The following DNAJC11 variants were observed in gnomAD, a reference collection of about 807,000 sequenced individuals.
The protein encoded by DNAJC11 is dnaJ homolog subfamily C member 11.
DNAJC11 carries 15 observed loss-of-function variants against 78.6 expected under a neutral mutation model. That is an observed-to-expected ratio of 0.19 (90% confidence interval 0.13 to 0.29). The LOEUF (loss-of-function observed/expected upper bound fraction) is 0.29. Among genes scored for constraint, DNAJC11 ranks in the 10% least tolerant of loss-of-function variants. DNAJC11 has a pLI of 1.00. For missense variants in DNAJC11, 547 were observed against 709.6 expected, an observed-to-expected ratio of 0.77 and a Z score of 2.60; for synonymous variants, 292 against 272.1, an observed-to-expected ratio of 1.07 and a Z score of -0.72.
chr1:6,637,917 C>T (rs1641808471), intron 12 of DNAJC11: 1 of 390,128 alleles, frequency 2.6e-6, no homozygotes, highest in Non-Finnish European at 4.7e-6. Context: ...TGCCATTCTG[C>T]TGGGCATAGC....
rs752279412 is a variant in DNAJC11, at chr1:6,638,260, C to T, written c.1323+35G>A. Reference sequence around the variant, plus strand: ...TGTGGGGTGTGGAGTGTGTCCCCTACAGCCCTCGCTTGGGAACGGTGGGGC... The same window carrying T: ...TGTGGGGTGTGGAGTGTGTCCCCTATAGCCCTCGCTTGGGAACGGTGGGGC... On this transcript the variant is annotated intron_variant, in intron 12 of 15. Transcript: ENST00000377577. 4.4e-6 allele frequency: 7 copies of T among 1,602,486 alleles called. No homozygotes were observed. In the Admixed American group the frequency reaches 1.2e-4, roughly 27 times the overall value.
rs954909705 is a variant in DNAJC11 at position 6,634,425 on chromosome 1, C to T, written c.*1250G>A. The T allele has an allele frequency of 1.7e-5, 21 of 1,253,784 alleles. No individual in the cohort carries two copies. Among genetic ancestry groups the T allele is most frequent in the South Asian group, 2.8e-5 (2 of 72,686 alleles). 77.7% of individuals were successfully genotyped at this position (1,253,784 alleles called of 1,614,324 possible). On this transcript the variant is annotated 3_prime_UTR_variant, in exon 16 of 16. Transcript: ENST00000377577. ...AAACCAGAGGAAGGAGGTTCTTAGC[C>T]GTTACTCAGATACCAGTGCTGGGGA...
At position 6,693,389 on chromosome 1, in the gene DNAJC11, T is replaced by C. The variant is rs80145733; in HGVS notation, c.72+8340A>G. 9.6e-4 allele frequency among the ~76,000 whole-genome samples: 147 copies of C among 152,338 alleles called. 1 individual carries two copies. The East Asian group carries it at 0.012, about 12-fold the overall frequency. On this transcript the variant is annotated intron_variant, in intron 1 of 15. Coordinates refer to ENST00000377577, the MANE Select transcript of DNAJC11 (RefSeq NM_018198.4). ...TCTTTCACATTTTTATTTATTGTTA[T>C]ATTATCGTTTAGATGGATTCTTGCT... is the stretch of plus-strand genomic sequence containing the variant.
At chr1:6,677,765 T>A (rs1642492517) in intron 3 of DNAJC11, among the ~76,000 whole-genome samples, 1 of 152,198 alleles carries the variant, frequency 6.6e-6, no homozygotes, top group African/African-American at 2.4e-5. Flanking sequence ...AAACAAATTG[T>A]CTGGATTTTA....
Position 6,645,260 on chromosome 1 carries a change from C to A in DNAJC11, c.895-134G>T. On this transcript the variant is annotated intron_variant, in intron 8 of 15. Coordinates refer to ENST00000377577, the MANE Select transcript of DNAJC11 (RefSeq NM_018198.4). This position sits in a 1 kb window ranked among gnomAD's most constrained non-coding sequence, Gnocchi z 4.1. ...AAGGCAGGGGTCACGGTCTGGCAGC[C>A]GCAGTGAGTGCACCATGATTTATTA... 2 of 649,634 alleles carry A rather than the reference C, an allele frequency of 3.1e-6. No individual in the cohort carries two copies. The highest frequency in any genetic ancestry group is 1.9e-5 in the South Asian group (1 of 52,278). 40.2% of individuals were successfully genotyped at this position (649,634 alleles called of 1,614,324 possible).
intron 3 of DNAJC11, among the ~76,000 whole-genome samples, chr1:6,674,294 C>T (rs1214316369): frequency 6.6e-6 from 1 of 152,004 alleles, no homozygotes; most frequent in African/African-American, 2.4e-5. Context: ...GGCACGGTGG[C>T]TCACATTTGT....
rs1641954671 is a variant in DNAJC11, at chr1:6,645,759, T to C, written c.894+30A>G. ...GAGGAGGGGTCCTCCCAGAGCTCTG[T>C]CTGCAGGAGATGATGGCTGCTCGGC... On this transcript the variant is annotated intron_variant, in intron 8 of 15. Coordinates refer to ENST00000377577, the MANE Select transcript of DNAJC11 (RefSeq NM_018198.4). This position sits in a 1 kb window ranked among gnomAD's most constrained non-coding sequence, Gnocchi z 4.1. 8 of 1,610,086 alleles carry C rather than the reference T, an allele frequency of 5.0e-6. No homozygotes were observed. Among genetic ancestry groups the C allele is most frequent in the South Asian group, 3.3e-5 (3 of 90,890 alleles).
rs1271117776 is a variant in DNAJC11 at position 6,645,224 on chromosome 1, C to T, written c.895-98G>A. ...CCACTAGCTCTGGGCATCTGCTGCACACAGGCCTTTAAGGCAGGGGTCACG... is the reference window on the plus strand; with the variant it reads ...CCACTAGCTCTGGGCATCTGCTGCATACAGGCCTTTAAGGCAGGGGTCACG... On this transcript the variant is annotated intron_variant, in intron 8 of 15. Transcript: ENST00000377577. This position sits in a 1 kb window ranked among gnomAD's most constrained non-coding sequence, Gnocchi z 4.1. 2.1e-6 allele frequency: 2 copies of T among 940,928 alleles called. No homozygotes were observed. Among genetic ancestry groups the T allele is most frequent in the Non-Finnish European group, 3.4e-6 (2 of 584,068 alleles). The allele number at this position is 940,928 out of a possible 1,614,324, so 58.3% of individuals were successfully genotyped here. A position where few individuals can be genotyped will look rare whatever the true frequency, so the allele number is the denominator to read the frequency against.
At chr1:6,639,533 TG>T (rs1469048680) in intron 11 of DNAJC11, among the ~76,000 whole-genome samples, 5 of 152,038 alleles carry the variant, frequency 3.3e-5, no homozygotes, top group Non-Finnish European at 7.4e-5. Context: ...GGTTTCACCA[TG>T]TTGGCCAGAC....
intron 4 of DNAJC11, among the ~76,000 whole-genome samples, chr1:6,665,578 A>G (rs1642281606): frequency 6.6e-6 from 1 of 152,222 alleles, no homozygotes; most frequent in African/African-American, 2.4e-5. Flanking sequence ...TTATGGAAGT[A>G]GCAAAGTATA....
intron 7 of DNAJC11, among the ~76,000 whole-genome samples, chr1:6,647,736 AC>A (rs1361468816): frequency 5.3e-5 from 8 of 151,946 alleles, no homozygotes; most frequent in African/African-American, 1.7e-4. Flanking sequence ...AATAGCTTGA[AC>A]CTGGGAGGTG....
At chr1:6,690,334 CTA>C (rs1197409275) in intron 1 of DNAJC11, among the ~76,000 whole-genome samples, 1 of 152,202 alleles carries the variant, frequency 6.6e-6, no homozygotes, top group East Asian at 1.9e-4. Context: ...ATATCCACTG[CTA>C]TGTCAAGCAT....
At chr1:6,674,284 G>A (rs533882675) in intron 3 of DNAJC11, among the ~76,000 whole-genome samples, 3 of 152,184 alleles carry the variant, frequency 2.0e-5, no homozygotes, top group East Asian at 3.9e-4. Flanking sequence ...GGGGGGGCTG[G>A]GCACGGTGGC....
intron 1 of DNAJC11, among the ~76,000 whole-genome samples, chr1:6,687,470 C>T (rs946293438): frequency 1.5e-4 from 23 of 151,640 alleles, no homozygotes; most frequent in African/African-American, 5.6e-4. Context: ...CATTCTCCTG[C>T]CTCAGCCTCT....
Position 6,701,717 on chromosome 1 carries a change from C to T in DNAJC11, c.72+12G>A, listed in dbSNP as rs1157870375. Reference sequence around the variant, plus strand: ...GGCCTCAGCCCCCAGAGCGTCCAGCCGCTGGCCTCACCTCCCTGCGCACGT... The same window carrying T: ...GGCCTCAGCCCCCAGAGCGTCCAGCTGCTGGCCTCACCTCCCTGCGCACGT... On this transcript the variant is annotated intron_variant, in intron 1 of 15. Coordinates refer to ENST00000377577, the MANE Select transcript of DNAJC11 (RefSeq NM_018198.4). 1.3e-6 allele frequency: 2 copies of T among 1,543,280 alleles called. No homozygotes were observed. Among genetic ancestry groups the T allele is most frequent in the Non-Finnish European group, 1.7e-6 (2 of 1,149,120 alleles).
intron 4 of DNAJC11, among the ~76,000 whole-genome samples, chr1:6,659,018 T>C (rs909234547): frequency 2.0e-5 from 3 of 152,232 alleles, no homozygotes; most frequent in African/African-American, 7.2e-5. Flanking sequence ...CTGCTACCTG[T>C]TGGAAGACAG....
intron 4 of DNAJC11, among the ~76,000 whole-genome samples, chr1:6,654,779 T>G (rs1642102733): frequency 7.6e-6 from 1 of 131,742 alleles, no homozygotes; most frequent in African/African-American, 2.9e-5. Flanking sequence ...TTGCTAGCTT[T>G]TCTTTTTTTT....
chr1:6,644,953 G>T, intron 9 of DNAJC11, 88 bp downstream of exon 9: 2 of 1,261,818 alleles, frequency 1.6e-6, no homozygotes, highest in South Asian at 1.2e-5. Context: ...ATATTCACAC[G>T]AGCAAGGTGT....
intron 3 of DNAJC11, among the ~76,000 whole-genome samples, chr1:6,671,556 G>A (rs1466924935): frequency 1.4e-5 from 2 of 142,108 alleles, no homozygotes; most frequent in Non-Finnish European, 3.0e-5. Context: ...TTTTGAGATG[G>A]AGTCTCACTC....
Sources: gnomAD v4.1 joint callset for allele counts (sites outside exome capture counted in the v4.1 genomes callset) on GRCh38, gnomAD v4.1.1 for gene constraint, Gnocchi (gnomAD v3.1) non-coding constraint, MANE v1.5 for transcripts, NCBI Gene and HGNC (gene_info 2026-07-23, HGNC 2026-07-21) for gene names.